SMIM41: variants seen among roughly 807,000 people sequenced by gnomAD.
SMIM41 encodes the protein small integral membrane protein 41.
At chr12:52,095,909 G>GAACAA (rs1565668781) in intron 2 of SMIM41, among the ~76,000 whole-genome samples, 77 of 152,016 alleles carry the variant, frequency 5.1e-4, no homozygotes, top group African/African-American at 1.8e-3. Flanking sequence ...TATCACACGG[G>GAACAA]TTTGTACACT....
intron 2 of SMIM41, among the ~76,000 whole-genome samples, chr12:52,098,748 T>A (rs1592328718): frequency 6.9e-6 from 1 of 145,070 alleles, no homozygotes; most frequent in African/African-American, 2.5e-5. Context: ...GGGGGGGGTG[T>A]ACTGCCTCTG....
intron 1 of SMIM41, among the ~76,000 whole-genome samples, chr12:52,082,995 C>T (rs762136009): frequency 7.9e-5 from 12 of 152,194 alleles, no homozygotes; most frequent in Non-Finnish European, 1.5e-4. Context: ...AGACCTCAAC[C>T]TGGGATCCTT....
At chr12:52,103,345 A>G (rs1334401859) in intron 2 of SMIM41, among the ~76,000 whole-genome samples, 1 of 149,490 alleles carries the variant, frequency 6.7e-6, no homozygotes. Flanking sequence ...ATGAAACAAA[A>G]TAAAATAAAA....
chr12:52,101,780 T>C (rs1159037908), intron 2 of SMIM41, among the ~76,000 whole-genome samples: 9 of 152,218 alleles, frequency 5.9e-5, no homozygotes, highest in Non-Finnish European at 1.0e-4. Flanking sequence ...TGGTGCAGTC[T>C]TGGCTCACCG....
chr12:52,096,964 G>A (rs532903840), intron 2 of SMIM41, among the ~76,000 whole-genome samples: 4 of 152,028 alleles, frequency 2.6e-5, no homozygotes, highest in Non-Finnish European at 5.9e-5. Flanking sequence ...GGGAGAGGAC[G>A]GTATTAATCC....
At chr12:52,093,442 G>C (rs1940037607) in intron 2 of SMIM41, 1 of 152,116 alleles carries the variant, frequency 6.6e-6, no homozygotes, top group Non-Finnish European at 1.5e-5. Flanking sequence ...CTTGCAGGTG[G>C]ACTATTTTGT....
At chr12:52,096,102 C>G (rs1815650388) in intron 2 of SMIM41, among the ~76,000 whole-genome samples, 1 of 151,620 alleles carries the variant, frequency 6.6e-6, no homozygotes, top group South Asian at 2.1e-4. Flanking sequence ...TTATCGTCCT[C>G]TCCCTTCCTG....
chr12:52,096,555 AT>A (rs1940098762), intron 2 of SMIM41, among the ~76,000 whole-genome samples: 1 of 151,750 alleles, frequency 6.6e-6, no homozygotes, highest in Non-Finnish European at 1.5e-5. Flanking sequence ...ATAATTGATA[AT>A]AAAAAGTTTT....
At chr12:52,105,208 G>A (rs1367097206) in intron 2 of SMIM41, among the ~76,000 whole-genome samples, 1 of 152,176 alleles carries the variant, frequency 6.6e-6, no homozygotes, top group African/African-American at 2.4e-5. Flanking sequence ...AGACCAGTGG[G>A]TGCCACAATC....
At chr12:52,090,153 C>T (rs971159639) in intron 2 of SMIM41, among the ~76,000 whole-genome samples, 3 of 152,150 alleles carry the variant, frequency 2.0e-5, no homozygotes. Context: ...TCACTACAAC[C>T]TCCACCTCCC....
Position 52,083,261 on chromosome 12 carries a change from G to C in SMIM41, c.*121-633G>C, listed in dbSNP as rs1171278859. On this transcript the variant is annotated intron_variant, in intron 1 of 2. Transcript: ENST00000546390. ...AACGGTCTGACAGTGACCGGCCCCT[G>C]CTGCAAGTCAGTGCCTCTCATTTGC... Among the ~76,000 whole-genome samples the C allele has an allele frequency of 2.6e-5, 4 of 152,148 alleles. 1 individual carries two copies. The highest frequency in any genetic ancestry group is 9.7e-5 in the African/African-American group (4 of 41,422).
At chr12:52,080,976 G>A (rs1939810784) in intron 1 of SMIM41, among the ~76,000 whole-genome samples, 1 of 152,086 alleles carries the variant, frequency 6.6e-6, no homozygotes, top group African/African-American at 2.4e-5. Context: ...CGCAGCTGGG[G>A]GGCCTCGGGA....
At chr12:52,085,401 T>C (rs1406646095) in intron 2 of SMIM41, among the ~76,000 whole-genome samples, 8 of 152,250 alleles carry the variant, frequency 5.3e-5, no homozygotes, top group African/African-American at 1.9e-4. Flanking sequence ...AATTCCCTCC[T>C]CTTTAGGGTG....
intron 2 of SMIM41, among the ~76,000 whole-genome samples, chr12:52,105,070 G>C (rs1940306663): frequency 6.6e-6 from 1 of 152,228 alleles, no homozygotes; most frequent in African/African-American, 2.4e-5. Flanking sequence ...GGCAGCCTAA[G>C]TCCAGACACA....
At chr12:52,080,997 G>A (rs913364279) in intron 1 of SMIM41, among the ~76,000 whole-genome samples, 9 of 152,218 alleles carry the variant, frequency 5.9e-5, no homozygotes, top group Admixed American at 3.9e-4. Flanking sequence ...GCGCTGCTCC[G>A]GGAAGTGGGG....
At chr12:52,086,019 A>G (rs1161308506) in intron 2 of SMIM41, among the ~76,000 whole-genome samples, 5 of 152,206 alleles carry the variant, frequency 3.3e-5, no homozygotes, top group African/African-American at 1.2e-4. Flanking sequence ...GGTGGAAAGT[A>G]AAGCTGCAGG....
In SMIM41 at chr12:52,081,844, C is replaced by T. The variant is rs1939823742; in HGVS notation, c.*120+1663C>T. Among the ~76,000 whole-genome samples, 1 of 152,174 alleles carries T rather than the reference C, an allele frequency of 6.6e-6. No homozygotes were observed. The highest frequency in any genetic ancestry group is 1.5e-5 in the Non-Finnish European group (1 of 68,008). ...ATGAATGACAGAGCTGGAAGCAGAC[C>T]CTGGGCCCTGATTCCAAGTTCAGGC... On this transcript the variant is annotated intron_variant, in intron 1 of 2. Transcript: ENST00000546390. The surrounding 1 kb of genome is among the most constrained non-coding windows in gnomAD (Gnocchi z 4.1).
At chr12:52,099,834 G>A (rs536081881) in intron 2 of SMIM41, among the ~76,000 whole-genome samples, 6 of 152,002 alleles carry the variant, frequency 3.9e-5, no homozygotes, top group Non-Finnish European at 8.8e-5. Context: ...CACCTTCTGC[G>A]ATATTGGGAG....
At chr12:52,084,367 C>T (rs1939862211) in intron 2 of SMIM41, among the ~76,000 whole-genome samples, 1 of 130,090 alleles carries the variant, frequency 7.7e-6, no homozygotes, top group South Asian at 2.6e-4. Context: ...ACAACAACAT[C>T]AACCACAAAA....
Sources: gnomAD v4.1 joint callset for allele counts (sites outside exome capture counted in the v4.1 genomes callset) on GRCh38, gnomAD v4.1.1 for gene constraint, Gnocchi (gnomAD v3.1) non-coding constraint, MANE v1.5 for transcripts, NCBI Gene and HGNC (gene_info 2026-07-23, HGNC 2026-07-21) for gene names.